PRKN: variants seen among roughly 807,000 people sequenced by gnomAD.
PRKN encodes parkin RBR E3 ubiquitin protein ligase, also known as E3 ubiquitin-protein ligase parkin.
Under a neutral mutation model 59.5 loss-of-function variants are expected in PRKN, and 56 were observed. That is an observed-to-expected ratio of 0.94 (90% CI 0.76 to 1.18). PRKN has a LOEUF of 1.18. Among genes scored for constraint, PRKN ranks in the 50% most tolerant of loss-of-function variants. The pLI is 0.00. For synonymous variants in PRKN, 250 were observed against 222.1 expected (o/e 1.13, Z -1.12); for missense variants, 657 against 596.4 (o/e 1.10, Z -1.06).
chr6:161,630,840 A>T (rs1469804416), intron 7 of PRKN, among the ~76,000 whole-genome samples: 2 of 152,242 alleles, frequency 1.3e-5, no homozygotes, highest in Non-Finnish European at 2.9e-5. Flanking sequence ...ACACAGTGAC[A>T]GTCAACCACT....
intron 1 of PRKN, among the ~76,000 whole-genome samples, chr6:162,667,703 T>C (rs966924517): frequency 6.6e-6 from 1 of 152,100 alleles, no homozygotes; most frequent in African/African-American, 2.4e-5. Context: ...ACACAGGGCA[T>C]AGTAAAGAAC....
intron 6 of PRKN, among the ~76,000 whole-genome samples, chr6:161,790,742 T>G (rs971130471): frequency 1.3e-5 from 2 of 152,134 alleles, no homozygotes; most frequent in African/African-American, 4.8e-5. Context: ...CTGTTGTTTA[T>G]AAGCCACCAG....
intron 4 of PRKN, among the ~76,000 whole-genome samples, chr6:162,057,331 A>G (rs891874225): frequency 2.0e-5 from 3 of 152,204 alleles, no homozygotes; most frequent in African/African-American, 7.2e-5. Context: ...TTCAGCTTGG[A>G]CAATATAAAA....
intron 1 of PRKN, among the ~76,000 whole-genome samples, chr6:162,627,897 T>C (rs997836370): frequency 2.6e-5 from 4 of 151,916 alleles, no homozygotes; most frequent in Non-Finnish European, 4.4e-5. Context: ...GTATAGGATA[T>C]AGCAGTAAAA....
chr6:162,292,034 C>T (rs1781455389), intron 2 of PRKN, among the ~76,000 whole-genome samples: 1 of 151,014 alleles, frequency 6.6e-6, no homozygotes, highest in African/African-American at 2.4e-5. Context: ...CGGGATCTCG[C>T]CTCACTGCCA....
intron 3 of PRKN, among the ~76,000 whole-genome samples, chr6:162,206,042 G>C (rs528147919): frequency 6.6e-6 from 1 of 152,098 alleles, no homozygotes; most frequent in Non-Finnish European, 1.5e-5. Flanking sequence ...GAAGGAGAAG[G>C]AAGAAGGTTT....
chr6:162,014,046 T>C (rs1036829637), intron 5 of PRKN, among the ~76,000 whole-genome samples: 16 of 152,114 alleles, frequency 1.1e-4, no homozygotes, highest in African/African-American at 3.9e-4. Flanking sequence ...AGGGTCACTG[T>C]CCTAACCTGG....
At position 161,592,622 on chromosome 6, in the gene PRKN, G is replaced by A. The variant is rs1241565510; in HGVS notation, c.872-23206C>T. Reference sequence around the variant, plus strand: ...GATACTTAAGTACACAAACTAAAGAGAGAAAACCCTAAGGGCTATGGAGAA... The same window carrying A: ...GATACTTAAGTACACAAACTAAAGAAAGAAAACCCTAAGGGCTATGGAGAA... On this transcript the variant is annotated intron_variant, in intron 7 of 11. Coordinates refer to ENST00000366898, the MANE Select transcript of PRKN (RefSeq NM_004562.3). This position sits in a 1 kb window ranked among gnomAD's most constrained non-coding sequence, Gnocchi z 4.8. Among the ~76,000 whole-genome samples the A allele has an allele frequency of 6.6e-6, 1 of 152,140 alleles. No individual in the cohort carries two copies. Among genetic ancestry groups the A allele is most frequent in the African/African-American group, 2.4e-5 (1 of 41,430 alleles).
intron 3 of PRKN, among the ~76,000 whole-genome samples, chr6:162,217,932 A>G (rs1053072160): frequency 1.3e-5 from 2 of 152,146 alleles, no homozygotes; most frequent in Non-Finnish European, 2.9e-5. Flanking sequence ...GGAGGTGAGC[A>G]GGGGTGTGGG....
chr6:161,751,076 C>A (rs1346110688), intron 7 of PRKN, among the ~76,000 whole-genome samples: 1 of 152,120 alleles, frequency 6.6e-6, no homozygotes, highest in Non-Finnish European at 1.5e-5. Context: ...CCATTAATAT[C>A]ATAAATAATA....
rs900081028 is a variant in PRKN at position 161,529,918 on chromosome 6, G to A, written c.1083+18936C>T. Among the ~76,000 whole-genome samples the A allele has an allele frequency of 1.8e-4, 27 of 151,984 alleles. No individual in the cohort carries two copies. Among genetic ancestry groups the A allele is most frequent in the Non-Finnish European group, 8.8e-5 (6 of 68,002 alleles). On this transcript the variant is annotated intron_variant, in intron 9 of 11. Coordinates refer to ENST00000366898, the MANE Select transcript of PRKN (RefSeq NM_004562.3). This position sits in a 1 kb window ranked among gnomAD's most constrained non-coding sequence, Gnocchi z 4.4. ...CTTGAGGGACCAGTTCCTTTTCCAC[G>A]GCATATATAATAAAATAACACAGGA...
chr6:161,564,464 C>A (rs1387729043), intron 8 of PRKN, among the ~76,000 whole-genome samples: 4 of 152,170 alleles, frequency 2.6e-5, no homozygotes. Flanking sequence ...GCAGTAACTG[C>A]CCTATGACTG....
chr6:162,454,004 G>A (rs141793238), intron 1 of PRKN, among the ~76,000 whole-genome samples: 337 of 152,332 alleles, frequency 2.2e-3, no homozygotes, highest in Middle Eastern at 6.8e-3. Context: ...GATAACTAGA[G>A]AGGGTTTGTG....
At chr6:161,724,323 C>T (rs1257338321) in intron 7 of PRKN, among the ~76,000 whole-genome samples, 1 of 152,150 alleles carries the variant, frequency 6.6e-6, no homozygotes, top group Non-Finnish European at 1.5e-5. Flanking sequence ...TATACATGTG[C>T]TAATGCAGAA....
Position 161,357,958 on chromosome 6 carries a change from C to G in PRKN, c.1285+2130G>C, listed in dbSNP as rs1247686562. Among the ~76,000 whole-genome samples the G allele has an allele frequency of 6.6e-6, 1 of 152,214 alleles. No individual in the cohort carries two copies. Among genetic ancestry groups the G allele is most frequent in the African/African-American group, 2.4e-5 (1 of 41,456 alleles). ...ACACAGCCACAGTCCATGGCAGAGT[C>G]CTAACTCCTGCAACACTGCAGTGCC... On this transcript the variant is annotated intron_variant, in intron 11 of 11. Coordinates refer to ENST00000366898, the MANE Select transcript of PRKN (RefSeq NM_004562.3). This position sits in a 1 kb window ranked among gnomAD's most constrained non-coding sequence, Gnocchi z 5.5.
chr6:162,276,935 A>G (rs1225602848), intron 2 of PRKN, among the ~76,000 whole-genome samples: 1 of 152,180 alleles, frequency 6.6e-6, no homozygotes, highest in Non-Finnish European at 1.5e-5. Flanking sequence ...CAAGTTTGGG[A>G]AAATATAAAT....
chr6:162,275,747 C>T (rs1262799966), intron 2 of PRKN, among the ~76,000 whole-genome samples: 10 of 151,496 alleles, frequency 6.6e-5, no homozygotes, highest in African/African-American at 9.7e-5. Flanking sequence ...ACCACACAAT[C>T]GCACTCCTGC....
intron 7 of PRKN, among the ~76,000 whole-genome samples, chr6:161,715,780 C>A (rs1786948159): frequency 6.6e-6 from 1 of 152,130 alleles, no homozygotes; most frequent in Middle Eastern, 3.2e-3. Context: ...TGATGCAGAA[C>A]CCCAGTCACT....
chr6:162,354,185 C>A (rs1054134665), intron 2 of PRKN, among the ~76,000 whole-genome samples: 1 of 152,112 alleles, frequency 6.6e-6, no homozygotes, highest in African/African-American at 2.4e-5. Flanking sequence ...GTATACACAC[C>A]ATTCCTTGAT....
Sources: allele counts gnomAD v4.1 joint callset (sites outside exome capture counted in the v4.1 genomes callset), GRCh38; gene constraint gnomAD v4.1.1; non-coding constraint Gnocchi (gnomAD v3.1); transcripts MANE v1.5; gene names NCBI Gene and HGNC (gene_info 2026-07-23, HGNC 2026-07-21).